Variants in RABEP1 observed in about 807,000 individuals in gnomAD.
RABEP1 encodes rabaptin, RAB GTPase binding effector protein 1.
Under a neutral mutation model 123.4 loss-of-function variants are expected in RABEP1, and 51 were observed. The ratio of observed to expected loss-of-function variants is 0.41; its 90% confidence interval spans 0.33 to 0.52. The LOEUF is 0.52. Among genes scored for constraint, RABEP1 ranks in the 20% least tolerant of loss-of-function variants. The pLI is 0.16. For synonymous variants in RABEP1, 347 were observed against 355.2 expected, an observed-to-expected ratio of 0.98 and a Z score of 0.26; for missense variants, 888 against 996.3, an observed-to-expected ratio of 0.89 and a Z score of 1.46.
At position 5,373,418 on chromosome 17, in the gene RABEP1, G is replaced by A. The variant is rs1293075876; in HGVS notation, c.1989G>A (p.Gln663=). ...AGCACAGCCTGCATGTGTCATTACA[G>A]CAAGCAGAAGACTTCATCCTCCCAG... is the stretch of plus-strand genomic sequence containing the variant. ...QGKHSLHVSL[Q]QAEDFILPDT... is the part of the protein sequence containing the mutation. Residue 663 remains glutamine, a synonymous_variant, in exon 13 of 18, where the codon CAG becomes CAA. Coordinates refer to ENST00000537505, the MANE Select transcript of RABEP1 (RefSeq NM_004703.6). 1.2e-6 allele frequency: 2 copies of A among 1,612,438 alleles called. No homozygotes were observed. The highest frequency in any genetic ancestry group is 1.7e-6 in the Non-Finnish European group (2 of 1,179,636).
intron 2 of RABEP1, among the ~76,000 whole-genome samples, chr17:5,330,153 T>C (rs1478541171): frequency 6.6e-6 from 1 of 152,186 alleles, no homozygotes; most frequent in African/African-American, 2.4e-5. Context: ...GAATACAGAG[T>C]TGACACACAT....
chr17:5,319,568 T>G (rs1286380437), intron 2 of RABEP1, among the ~76,000 whole-genome samples: 1 of 151,942 alleles, frequency 6.6e-6, no homozygotes, highest in East Asian at 2.0e-4. Context: ...GGTTTCACCA[T>G]GTTGGCTATG....
intron 2 of RABEP1, among the ~76,000 whole-genome samples, chr17:5,315,196 A>G (rs1010333580): frequency 3.3e-5 from 5 of 152,226 alleles, no homozygotes; most frequent in African/African-American, 1.2e-4. Context: ...TTGCACTTAG[A>G]TAGGGAAATG....
intron 8 of RABEP1, 129 bp from the exon 9 acceptor site, chr17:5,361,079 A>G (rs182749265): frequency 6.5e-5 from 53 of 814,490 alleles, no homozygotes; most frequent in East Asian, 6.4e-4. Flanking sequence ...TGTTTGTTCA[A>G]TGAGTCTGTG....
intron 2 of RABEP1, among the ~76,000 whole-genome samples, chr17:5,331,293 A>G (rs1358979286): frequency 6.6e-6 from 1 of 152,122 alleles, no homozygotes; most frequent in African/African-American, 2.4e-5. Context: ...ATTTACAAGA[A>G]TTTTTAAAAG....
intron 2 of RABEP1, among the ~76,000 whole-genome samples, chr17:5,309,917 T>C (rs1460810310): frequency 6.6e-6 from 1 of 152,216 alleles, no homozygotes; most frequent in Non-Finnish European, 1.5e-5. Flanking sequence ...AGTTAGAAAC[T>C]GTGGGATTTG....
intron 15 of RABEP1, 109 bp from the exon 16 acceptor site, chr17:5,380,255 G>C (rs1350057776): frequency 2.9e-6 from 2 of 680,550 alleles, no homozygotes; most frequent in East Asian, 2.7e-5. Context: ...AGTATTCCCA[G>C]TGTAGCCCGA....
At chr17:5,309,902 T>G (rs1055832270) in intron 2 of RABEP1, among the ~76,000 whole-genome samples, 1 of 152,230 alleles carries the variant, frequency 6.6e-6, no homozygotes, top group African/African-American at 2.4e-5. Context: ...CACCCAGATT[T>G]ACTGAGTTAG....
chr17:5,337,000 C>T (rs1907153050), intron 4 of RABEP1, among the ~76,000 whole-genome samples: 1 of 152,096 alleles, frequency 6.6e-6, no homozygotes, highest in African/African-American at 2.4e-5. Flanking sequence ...TTTTCAGTTT[C>T]TCTAGAAGGA....
At position 5,381,436 on chromosome 17, in the gene RABEP1, A is replaced by T; in HGVS notation, c.2418A>T (p.Arg806Ser). The stretch of plus-strand genomic sequence containing the variant: ...TTGAAGAGAAGAATAAAGCTCAGAG[A>T]TTACAGACAGAATTAGATGTCAGTG... Reference protein sequence around the residue: ...LMFEEKNKAQRLQTELDVSEQ... With the variant: ...LMFEEKNKAQSLQTELDVSEQ... Residue 806 changes from arginine to serine, a missense_variant, in exon 17 of 18, where the codon AGA (arginine) becomes AGT (serine). Arg to Ser is a moderately radical substitution (Grantham distance 110, BLOSUM62 -1). Coordinates refer to ENST00000537505, the MANE Select transcript of RABEP1 (RefSeq NM_004703.6). 6.2e-7 allele frequency: 1 copy of T among 1,613,688 alleles called. No individual in the cohort carries two copies. The highest frequency in any genetic ancestry group is 8.5e-7 in the Non-Finnish European group (1 of 1,179,738).
intron 4 of RABEP1, 24 bp downstream of exon 4, chr17:5,335,368 TAGAA>T (rs758526464): frequency 3.8e-6 from 6 of 1,577,314 alleles, no homozygotes; most frequent in Admixed American, 1.8e-5. Context: ...TGTTCATTTG[TAGAA>T]ATATTTGAAT....
intron 2 of RABEP1, among the ~76,000 whole-genome samples, chr17:5,317,745 C>G (rs2075312493): frequency 1.3e-5 from 2 of 152,012 alleles, no homozygotes; most frequent in African/African-American, 4.8e-5. Flanking sequence ...GCTGGCAGCC[C>G]CTAGGTAATT....
At chr17:5,323,130 G>C (rs1421313011) in intron 2 of RABEP1, among the ~76,000 whole-genome samples, 2 of 152,094 alleles carry the variant, frequency 1.3e-5, no homozygotes, top group Non-Finnish European at 2.9e-5. Flanking sequence ...AATAGATGCT[G>C]CACAAGCATT....
chr17:5,299,270 C>T (rs1055140718), intron 1 of RABEP1, among the ~76,000 whole-genome samples: 10 of 152,026 alleles, frequency 6.6e-5, no homozygotes, highest in Non-Finnish European at 1.5e-4. Flanking sequence ...TTATCTTGTA[C>T]ACTTCCTGCC....
intron 12 of RABEP1, among the ~76,000 whole-genome samples, chr17:5,372,020 C>T (rs1045957711): frequency 5.3e-5 from 8 of 152,036 alleles, no homozygotes; most frequent in Admixed American, 1.3e-4. Context: ...GCAGGAGTCA[C>T]GTGCTTTTGT....
intron 7 of RABEP1, 96 bp downstream of exon 7, chr17:5,350,725 C>T: frequency 7.5e-7 from 1 of 1,342,092 alleles, no homozygotes; most frequent in Non-Finnish European, 1.0e-6. Flanking sequence ...CTGACTTAAG[C>T]TGCAACAAGG....
chr17:5,349,100 T>G (rs1908306411), intron 6 of RABEP1, among the ~76,000 whole-genome samples: 1 of 152,194 alleles, frequency 6.6e-6, no homozygotes, highest in Admixed American at 6.5e-5. Context: ...TCTGTGGACT[T>G]GCCTATTCTG....
rs541580084 is a variant in RABEP1, at chr17:5,385,714, T to C, written c.*2491T>C. On this transcript the variant is annotated 3_prime_UTR_variant, in exon 18 of 18. Coordinates refer to ENST00000537505, the MANE Select transcript of RABEP1 (RefSeq NM_004703.6). ...CTTTGCAATTGTGGATCTTGAGCTC[T>C]GCTCTCAGCAGATTTCAGGTGTAAC... is the stretch of plus-strand genomic sequence containing the variant. 9.9e-4 allele frequency: 229 copies of C among 231,160 alleles called. No homozygotes were observed. Among genetic ancestry groups the C allele is most frequent in the African/African-American group, 4.5e-3 (204 of 45,334 alleles). The allele number at this position is 231,160 out of a possible 1,614,324, so 14.3% of individuals were successfully genotyped here.
chr17:5,384,165 CTTTGTATTTTTCT>C lies in RABEP1; in HGVS notation c.*947_*959del, dbSNP rs1248769499. ...AAAATGGTAACTAGGTTGACAGATA[CTTTGTATTTTTCT>C]TTTGAATTCAGACCTGGAATGTAAG... On this transcript the variant is annotated 3_prime_UTR_variant, in exon 18 of 18. Transcript: ENST00000537505. The C allele has an allele frequency of 9.3e-6, 2 of 214,172 alleles. No homozygotes were observed. The highest frequency in any genetic ancestry group is 2.3e-5 in the African/African-American group (1 of 44,328). 13.3% of individuals were successfully genotyped at this position (214,172 alleles called of 1,614,324 possible).
Sources: gnomAD v4.1 joint callset for allele counts (sites outside exome capture counted in the v4.1 genomes callset) on GRCh38, gnomAD v4.1.1 for gene constraint, MANE v1.5 for transcripts, NCBI Gene and HGNC (gene_info 2026-07-23, HGNC 2026-07-21) for gene names.